The following NCKAP5 variants were observed in gnomAD, a reference collection of about 807,000 sequenced individuals.
NCKAP5 encodes NCK associated protein 5.
A neutral mutation model predicts 167.0 loss-of-function variants in NCKAP5; 92 were observed. That is an observed-to-expected ratio of 0.55 (90% CI 0.47 to 0.66). The LOEUF is 0.66. NCKAP5 is among the 30% of genes least tolerant of loss of function. NCKAP5 has a pLI of 0.00. For synonymous variants in NCKAP5, 891 were observed against 877.4 expected (o/e 1.02, Z -0.27); for missense variants, 2,378 against 2,315.0 (o/e 1.03, Z -0.56).
chr2:132,936,326 C>T (rs895323951), intron 8 of NCKAP5, among the ~76,000 whole-genome samples: 2 of 152,004 alleles, frequency 1.3e-5, no homozygotes, highest in African/African-American at 4.8e-5. Flanking sequence ...ATAGAAACAA[C>T]CTAAATCCAA....
At chr2:133,401,817 C>G (rs1339271321) in intron 3 of NCKAP5, among the ~76,000 whole-genome samples, 1 of 152,190 alleles carries the variant, frequency 6.6e-6, no homozygotes, top group African/African-American at 2.4e-5. Flanking sequence ...CTTTTGTTAG[C>G]TTCCATTGCC....
At chr2:133,456,957 C>T (rs970376095) in intron 3 of NCKAP5, among the ~76,000 whole-genome samples, 3 of 152,152 alleles carry the variant, frequency 2.0e-5, no homozygotes, top group African/African-American at 7.2e-5. Context: ...ATTTCCATTT[C>T]TGCACTGTCC....
the NCKAP5 span, among the ~76,000 whole-genome samples, chr2:133,600,277 G>T: frequency 1.3e-5 from 2 of 152,150 alleles, no homozygotes; most frequent in Non-Finnish European, 2.9e-5. Context: ...TTGATTCCAT[G>T]ACCATTTGCC....
chr2:133,197,373 G>A (rs780216376), intron 5 of NCKAP5, among the ~76,000 whole-genome samples: 1 of 152,160 alleles, frequency 6.6e-6, no homozygotes, highest in Non-Finnish European at 1.5e-5. Flanking sequence ...CCCACAGAAG[G>A]CAGGTCAGAA....
At chr2:132,767,759 G>A (rs1574134070) in intron 16 of NCKAP5, among the ~76,000 whole-genome samples, 1 of 152,234 alleles carries the variant, frequency 6.6e-6, no homozygotes, top group South Asian at 2.1e-4. Context: ...TTACTCAAAG[G>A]TATTTACTGA....
chr2:132,791,682 T>C (rs1684081051), intron 12 of NCKAP5, among the ~76,000 whole-genome samples: 1 of 152,216 alleles, frequency 6.6e-6, no homozygotes, highest in African/African-American at 2.4e-5. Flanking sequence ...TATTGACACT[T>C]TGTGGGTGCC....
intron 4 of NCKAP5, among the ~76,000 whole-genome samples, chr2:133,284,241 G>T (rs2090028170): frequency 6.6e-6 from 1 of 151,832 alleles, no homozygotes; most frequent in Non-Finnish European, 1.5e-5. Flanking sequence ...TCTAATTGAG[G>T]AGTCACCAAT....
Position 133,509,749 on chromosome 2 carries a change from A to G in NCKAP5, c.69+7709T>C, listed in dbSNP as rs1051822987. Among the ~76,000 whole-genome samples the G allele has an allele frequency of 6.9e-4, 105 of 152,178 alleles. 1 individual carries two copies. The highest frequency in any genetic ancestry group is 2.2e-3 in the African/African-American group (93 of 41,434). ...GGCATCCAATGGGTAGAAGCCAGGT[A>G]TCCCAATAAACGTCCTACAATACAC... On this transcript the variant is annotated intron_variant, in intron 3 of 19. Transcript: ENST00000409261.
the NCKAP5 span, among the ~76,000 whole-genome samples, chr2:133,639,343 G>A: frequency 1.1e-4 from 16 of 152,090 alleles, no homozygotes; most frequent in South Asian, 2.1e-4. Context: ...TCTTGTTCAC[G>A]TAGACAAGAA....
intron 6 of NCKAP5, among the ~76,000 whole-genome samples, chr2:133,100,276 T>TA (rs2081468107): frequency 6.6e-6 from 1 of 152,226 alleles, no homozygotes; most frequent in African/African-American, 2.4e-5. Flanking sequence ...TTAATCATGT[T>TA]AGCTACTGAT....
intron 3 of NCKAP5, among the ~76,000 whole-genome samples, chr2:133,310,925 T>G (rs1371774872): frequency 6.6e-6 from 1 of 152,216 alleles, no homozygotes; most frequent in East Asian, 1.9e-4. Flanking sequence ...AGTGTTTTTG[T>G]TTTGTTTTCC....
chr2:132,695,152 C>T (rs1320411973), intron 19 of NCKAP5, among the ~76,000 whole-genome samples: 1 of 152,092 alleles, frequency 6.6e-6, no homozygotes, highest in African/African-American at 2.4e-5. Flanking sequence ...CTCCAAATAC[C>T]ATCACAATGG....
intron 3 of NCKAP5, among the ~76,000 whole-genome samples, chr2:133,357,125 G>T (rs1043190024): frequency 6.6e-6 from 1 of 152,080 alleles, no homozygotes; most frequent in East Asian, 1.9e-4. Context: ...ACTCAGAAGG[G>T]TCCCTATTAC....
chr2:133,319,079 A>G (rs1368500806), intron 3 of NCKAP5, among the ~76,000 whole-genome samples: 1 of 152,140 alleles, frequency 6.6e-6, no homozygotes, highest in Non-Finnish European at 1.5e-5. Context: ...CTAAACCTTA[A>G]GAACGACTCT....
chr2:133,187,001 G>C (rs2084974025), intron 5 of NCKAP5, among the ~76,000 whole-genome samples: 1 of 151,562 alleles, frequency 6.6e-6, no homozygotes, highest in Admixed American at 6.6e-5. Flanking sequence ...TGCAAGCTTC[G>C]GGTTTGGTTT....
the NCKAP5 span, among the ~76,000 whole-genome samples, chr2:133,605,876 G>A: frequency 3.3e-5 from 5 of 152,116 alleles, no homozygotes; most frequent in Non-Finnish European, 7.3e-5. Context: ...AAATCAAGAG[G>A]AAAAGGGGGG....
At position 132,673,298 on chromosome 2, in the gene NCKAP5, C is replaced by T. The variant is rs773816122; in HGVS notation, c.5721G>A (p.Glu1907=). ...KALKSAAPEI[E]TT is the part of the protein sequence containing the mutation. ...ATCGTCTTTTGTTTCTTCAAGTTGT[C>T]TCAATTTCTGCAATAAAAAGAAGAA... Residue 1907 remains glutamate (E), a synonymous_variant, in exon 20 of 20, where the codon GAG becomes GAA. Coordinates refer to ENST00000409261, the MANE Select transcript of NCKAP5 (RefSeq NM_207363.3). 1 of 1,488,522 alleles carries T rather than the reference C, an allele frequency of 6.7e-7. No individual in the cohort carries two copies. The highest frequency in any genetic ancestry group is 2.2e-5 in the Admixed American group (1 of 45,876). 92.2% of individuals were successfully genotyped at this position (1,488,522 alleles called of 1,614,324 possible).
chr2:132,814,037 G>A (rs1686084509), intron 11 of NCKAP5, among the ~76,000 whole-genome samples: 1 of 152,208 alleles, frequency 6.6e-6, no homozygotes, highest in South Asian at 2.1e-4. Flanking sequence ...ACTAGGACAA[G>A]TTGCTGGAGT....
intron 3 of NCKAP5, among the ~76,000 whole-genome samples, chr2:133,337,834 T>C (rs1683315136): frequency 6.6e-6 from 1 of 152,244 alleles, no homozygotes. Flanking sequence ...CAAACAAATA[T>C]GCTCATTATA....
Sources: gnomAD v4.1 joint callset for allele counts (sites outside exome capture counted in the v4.1 genomes callset) on GRCh38, gnomAD v4.1.1 for gene constraint, MANE v1.5 for transcripts, NCBI Gene and HGNC (gene_info 2026-07-23, HGNC 2026-07-21) for gene names.